CCBE1: variants seen among roughly 807,000 people sequenced by gnomAD.
CCBE1 encodes collagen and calcium binding EGF domains 1, also known as collagen and calcium-binding EGF domain-containing protein 1.
Under a neutral mutation model 50.0 loss-of-function variants are expected in CCBE1, and 37 were observed. That is an observed-to-expected ratio of 0.74 (90% confidence interval 0.57 to 0.97). CCBE1 has a LOEUF of 0.97. Among genes scored for constraint, CCBE1 ranks in the 50% least tolerant of loss-of-function variants. The pLI is 0.00. For missense variants in CCBE1, 538 were observed against 523.8 expected (o/e 1.03, Z -0.26); for synonymous variants, 234 against 203.7 (o/e 1.15, Z -1.27).
At chr18:59,559,145 G>A (rs1445078318) in intron 2 of CCBE1, among the ~76,000 whole-genome samples, 1 of 152,092 alleles carries the variant, frequency 6.6e-6, no homozygotes, top group African/African-American at 2.4e-5. Context: ...GAGCCCCAGT[G>A]GAAATATGGG....
At chr18:59,483,331 A>G (rs1370514195) in intron 2 of CCBE1, among the ~76,000 whole-genome samples, 1 of 152,220 alleles carries the variant, frequency 6.6e-6, no homozygotes, top group Non-Finnish European at 1.5e-5. Flanking sequence ...CATCTGAAAT[A>G]CTTGGGACTA....
rs1328217925 is a variant in CCBE1, at chr18:59,438,044, T to C, written c.987+67A>G. 12 of 1,546,018 alleles carry C rather than the reference T, an allele frequency of 7.8e-6. No individual in the cohort carries two copies. The African/African-American group carries it at 8.2e-5, about 11-fold the overall frequency. On this transcript the variant is annotated intron_variant, in intron 10 of 10. Coordinates refer to ENST00000439986, the MANE Select transcript of CCBE1 (RefSeq NM_133459.4). The stretch of plus-strand genomic sequence containing the variant: ...GGGCTTTTGCTACTAGACCAACCTA[T>C]AGGCTCATCAGAGCTGCATCCCTGA...
intron 2 of CCBE1, among the ~76,000 whole-genome samples, chr18:59,618,313 T>C (rs915886041): frequency 1.3e-5 from 2 of 152,058 alleles, no homozygotes; most frequent in Admixed American, 1.3e-4. Context: ...AATTAAGATG[T>C]TTTCCACAGA....
intron 2 of CCBE1, among the ~76,000 whole-genome samples, chr18:59,507,848 T>A (rs201652584): frequency 6.6e-6 from 1 of 152,180 alleles, no homozygotes; most frequent in Non-Finnish European, 1.5e-5. Context: ...TCAAGATTAA[T>A]TTGCAAGCAG....
intron 2 of CCBE1, among the ~76,000 whole-genome samples, chr18:59,481,832 C>T (rs1423098272): frequency 1.3e-5 from 2 of 152,120 alleles, no homozygotes; most frequent in Admixed American, 6.5e-5. Flanking sequence ...GGAGATGACA[C>T]TAGAGGGAAA....
intron 1 of CCBE1, 64 bp downstream of exon 1, chr18:59,697,148 C>T (rs1599147855): frequency 6.5e-7 from 1 of 1,544,126 alleles, no homozygotes; most frequent in Admixed American, 2.0e-5. Context: ...GGACCGCCCG[C>T]ACCCCGCGAG....
At chr18:59,663,247 T>C (rs1373799470) in intron 2 of CCBE1, among the ~76,000 whole-genome samples, 1 of 152,142 alleles carries the variant, frequency 6.6e-6, no homozygotes, top group Non-Finnish European at 1.5e-5. Context: ...AGGTAACTAG[T>C]GGTTTTTCTT....
chr18:59,696,731 A>G, intron 1 of CCBE1, 22 bp from the exon 2 acceptor site: 1 of 1,611,652 alleles, frequency 6.2e-7, no homozygotes, highest in African/African-American at 1.3e-5. Flanking sequence ...TGCAGAGGAA[A>G]TGTTCGATTC....
chr18:59,578,640 C>T (rs1314615746), intron 2 of CCBE1, among the ~76,000 whole-genome samples: 2 of 152,220 alleles, frequency 1.3e-5, no homozygotes, highest in Non-Finnish European at 2.9e-5. Flanking sequence ...AGTTCACGTC[C>T]TTTGCAGGGA....
At chr18:59,481,791 C>T (rs1266084974) in intron 2 of CCBE1, among the ~76,000 whole-genome samples, 1 of 152,040 alleles carries the variant, frequency 6.6e-6, no homozygotes, top group African/African-American at 2.4e-5. Flanking sequence ...TACCAGCAGA[C>T]CTGTGTTAAA....
chr18:59,597,674 A>G (rs2053373750), intron 2 of CCBE1, among the ~76,000 whole-genome samples: 1 of 152,192 alleles, frequency 6.6e-6, no homozygotes, highest in African/African-American at 2.4e-5. Flanking sequence ...GGCTGGATTT[A>G]GTAACTCTGC....
chr18:59,631,841 C>G (rs182946069), intron 2 of CCBE1, among the ~76,000 whole-genome samples: 3 of 152,032 alleles, frequency 2.0e-5, no homozygotes, highest in Non-Finnish European at 4.4e-5. Context: ...CCCTTAAAAG[C>G]GAAGTACTGG....
intron 2 of CCBE1, among the ~76,000 whole-genome samples, chr18:59,535,840 A>G (rs1915226591): frequency 6.6e-6 from 1 of 152,220 alleles, no homozygotes; most frequent in African/African-American, 2.4e-5. Context: ...AAATAATAAA[A>G]TCAAGATTTA....
intron 2 of CCBE1, among the ~76,000 whole-genome samples, chr18:59,542,106 C>T (rs1212184980): frequency 6.7e-6 from 1 of 149,250 alleles, no homozygotes; most frequent in Non-Finnish European, 1.5e-5. Context: ...CCCAGGAGGT[C>T]GAGGCTGCAG....
At chr18:59,439,241 C>T (rs1386879501) in intron 9 of CCBE1, among the ~76,000 whole-genome samples, 2 of 152,040 alleles carry the variant, frequency 1.3e-5, no homozygotes, top group East Asian at 1.9e-4. Flanking sequence ...GAGCTGAGAT[C>T]GTGCCACTGC....
At position 59,523,186 on chromosome 18, in the gene CCBE1, T is replaced by C. The variant is rs1248534194; in HGVS notation, c.213-42948A>G. On this transcript the variant is annotated intron_variant, in intron 2 of 10. Transcript: ENST00000439986. The stretch of plus-strand genomic sequence containing the variant: ...GTGTATCCTCATGAGCAATGAGTGC[T>C]GACTTAAACATGGACAGTTGAAGAG... 2.0e-5 allele frequency among the ~76,000 whole-genome samples: 3 copies of C among 151,808 alleles called. No homozygotes were observed. In the East Asian group the frequency reaches 5.8e-4, roughly 29 times the overall value.
At chr18:59,509,871 C>A (rs1374826160) in intron 2 of CCBE1, among the ~76,000 whole-genome samples, 1 of 152,114 alleles carries the variant, frequency 6.6e-6, no homozygotes, top group South Asian at 2.1e-4. Context: ...ACTATTTAAG[C>A]GACCCAACAT....
At chr18:59,568,750 T>G (rs2052865754) in intron 2 of CCBE1, 1 of 152,226 alleles carries the variant, frequency 6.6e-6, no homozygotes, top group South Asian at 2.1e-4. Flanking sequence ...GAAGGTAATG[T>G]ATTGAGCCAA....
chr18:59,684,599 C>T (rs1196760278), intron 2 of CCBE1, among the ~76,000 whole-genome samples: 2 of 152,172 alleles, frequency 1.3e-5, no homozygotes, highest in South Asian at 2.1e-4. Context: ...TTAAGAGCCT[C>T]GGGGTACCTC....
Sources: allele counts gnomAD v4.1 joint callset (sites outside exome capture counted in the v4.1 genomes callset), GRCh38; gene constraint gnomAD v4.1.1; transcripts MANE v1.5; gene names NCBI Gene and HGNC (gene_info 2026-07-23, HGNC 2026-07-21).